Variants in ARID4B observed in about 807,000 individuals in gnomAD.
The protein encoded by ARID4B is AT-rich interaction domain 4B.
ARID4B carries 26 observed loss-of-function variants against 147.5 expected under a neutral mutation model. The observed-to-expected ratio is 0.18, with a 90% CI of 0.13 to 0.24. The LOEUF is 0.24. Ranked by LOEUF, ARID4B falls within the 10% of genes least tolerant of loss-of-function variation. The probability of loss-of-function intolerance (pLI) is 1.00; values close to 1 mark genes in which losing one functional copy is unlikely to be tolerated. For missense variants in ARID4B, 1,179 were observed against 1,511.5 expected, an observed-to-expected ratio of 0.78 and a Z score of 3.65; for synonymous variants, 512 against 507.9, an observed-to-expected ratio of 1.01 and a Z score of -0.11.
chr1:235,245,690 A>T (rs545052328), intron 7 of ARID4B, among the ~76,000 whole-genome samples: 6 of 152,182 alleles, frequency 3.9e-5, no homozygotes, highest in Non-Finnish European at 8.8e-5. Context: ...ACATACTGGT[A>T]TTTCATCATG....
At chr1:235,238,314 A>G (rs1399541932) in intron 8 of ARID4B, among the ~76,000 whole-genome samples, 1 of 152,212 alleles carries the variant, frequency 6.6e-6, no homozygotes, top group Admixed American at 6.5e-5. Context: ...GAGAACACAA[A>G]AATTTTATTG....
intron 2 of ARID4B, among the ~76,000 whole-genome samples, chr1:235,302,927 C>T: frequency 8.6e-6 from 1 of 116,020 alleles, no homozygotes; most frequent in South Asian, 3.4e-4. Flanking sequence ...TTATATTCTT[C>T]TTTTTTTCTT....
chr1:235,238,818 G>A (rs2185019), intron 8 of ARID4B, among the ~76,000 whole-genome samples: 44,357 of 150,780 alleles, frequency 0.29, 7,622 homozygotes, highest in South Asian at 0.53. Context: ...TCACACCACT[G>A]CACTCTAACC....
intron 17 of ARID4B, among the ~76,000 whole-genome samples, chr1:235,206,230 A>G (rs1324041298): frequency 1.3e-5 from 2 of 152,226 alleles, no homozygotes; most frequent in African/African-American, 2.4e-5. Flanking sequence ...AATTTTTTTC[A>G]TATTTTAAAA....
chr1:235,183,032 C>G (rs915181846), intron 19 of ARID4B, among the ~76,000 whole-genome samples: 1 of 152,028 alleles, frequency 6.6e-6, no homozygotes, highest in Non-Finnish European at 1.5e-5. Context: ...TTTGTCAAAA[C>G]CCATCACATT....
intron 23 of ARID4B, among the ~76,000 whole-genome samples, chr1:235,171,534 T>G (rs1040801823): frequency 3.9e-5 from 6 of 152,240 alleles, no homozygotes; most frequent in Admixed American, 3.9e-4. Context: ...GGAACCGACT[T>G]TTAATGCTAA....
chr1:235,263,268 T>C (rs1437195292), intron 2 of ARID4B, among the ~76,000 whole-genome samples: 1 of 152,238 alleles, frequency 6.6e-6, no homozygotes. Flanking sequence ...TATTTGTACC[T>C]ACTGAGGAAC....
intron 19 of ARID4B, among the ~76,000 whole-genome samples, chr1:235,186,795 A>C (rs889544218): frequency 1.2e-4 from 18 of 151,950 alleles, no homozygotes; most frequent in African/African-American, 4.1e-4. Context: ...GTGCAGGTTC[A>C]AGCAATTCTC....
chr1:235,276,658 T>C (rs1671335540), intron 2 of ARID4B, among the ~76,000 whole-genome samples: 1 of 140,466 alleles, frequency 7.1e-6, no homozygotes, highest in Non-Finnish European at 1.5e-5. Flanking sequence ...CAAGACCCTG[T>C]CTCTTTAAAA....
intron 2 of ARID4B, among the ~76,000 whole-genome samples, chr1:235,283,158 T>C (rs567170944): frequency 6.6e-6 from 1 of 152,286 alleles, no homozygotes; most frequent in African/African-American, 2.4e-5. Flanking sequence ...AACAATTATG[T>C]AGATAAATAA....
At chr1:235,325,314 C>T (rs72758081) in intron 2 of ARID4B, among the ~76,000 whole-genome samples, 19,921 of 151,312 alleles carry the variant, frequency 0.13, 1,526 homozygotes, top group African/African-American at 0.2. Context: ...TACCAAGAAA[C>T]TTTTAAGGCT....
At position 235,260,645 on chromosome 1, in the gene ARID4B, G is replaced by T; in HGVS notation, c.114C>A (p.Val38=). 1 of 1,595,380 alleles carries T rather than the reference G, an allele frequency of 6.3e-7. No homozygotes were observed. The highest frequency in any genetic ancestry group is 1.1e-5 in the South Asian group (1 of 88,680). ...KIKTAKRLVK[V]KVTFRHDSST... ...ATGAAATCTATAAATACTGTACCTT[G>T]ACTTTGACAAGTCTTTTTGCTGTCT... The change falls in exon 3 of 24, where the codon GTC becomes GTA. Residue 38 remains valine (V), a synonymous_variant. Transcript: ENST00000264183.
chr1:235,214,312 CA>C (rs1263748949), intron 16 of ARID4B, among the ~76,000 whole-genome samples: 1 of 152,126 alleles, frequency 6.6e-6, no homozygotes, highest in Non-Finnish European at 1.5e-5. Context: ...CAGCAAGAAG[CA>C]AGTATGGTCA....
chr1:235,280,831 G>A (rs1671620722), intron 2 of ARID4B, among the ~76,000 whole-genome samples: 1 of 152,190 alleles, frequency 6.6e-6, no homozygotes, highest in South Asian at 2.1e-4. Context: ...AGAAACCATG[G>A]TTTCGGAAGG....
Position 235,172,747 on chromosome 1 carries a change from T to C in ARID4B, c.3682A>G (p.Thr1228Ala). 1 of 1,560,930 alleles carries C rather than the reference T, an allele frequency of 6.4e-7. No individual in the cohort carries two copies. The highest frequency in any genetic ancestry group is 1.2e-5 in the South Asian group (1 of 80,976). The change falls in exon 23 of 24, where the codon ACA becomes GCA. Residue 1228 changes from threonine to alanine, a missense_variant. Around this residue, in one of 10 missense-constraint regions of ARID4B, gnomAD observed 357 missense variants for 427.3 expected, o/e 0.84. Transcript: ENST00000264183. ...SFQMSDLENM[T>A]SAERITILQE... ...AGAATTGTGATGCGTTCGGCACTTG[T>C]CATATTTTCCAGGTCCGCTATAAAT...
rs1284647368 is a variant in ARID4B at position 235,185,132 on chromosome 1, A to AAAT, written c.2126-2340_2126-2339insATT. On this transcript the variant is annotated intron_variant, in intron 19 of 23. Coordinates refer to ENST00000264183, the MANE Select transcript of ARID4B (RefSeq NM_016374.6). The stretch of plus-strand genomic sequence containing the variant: ...GTCCCTGGCCTGCTGACTTATTTAT[A>AAAT]AAGTTTATCCTCTATGAGCAATGGG... Among the ~76,000 whole-genome samples, 46 of 152,252 alleles carry AAAT rather than the reference A, an allele frequency of 3.0e-4. No homozygotes were observed. The East Asian group carries it at 8.1e-3, about 27-fold the overall frequency.
intron 2 of ARID4B, among the ~76,000 whole-genome samples, chr1:235,283,610 AATT>A (rs1161501334): frequency 6.6e-6 from 1 of 152,104 alleles, no homozygotes; most frequent in African/African-American, 2.4e-5. Context: ...TAAATTATAA[AATT>A]ATTAATATTA....
In ARID4B at chr1:235,326,904, G is replaced by C. The variant is rs760290914; in HGVS notation, c.6+10C>G. 7 of 1,613,844 alleles carry C rather than the reference G, an allele frequency of 4.3e-6. No individual in the cohort carries two copies. The highest frequency in any genetic ancestry group is 5.9e-6 in the Non-Finnish European group (7 of 1,179,886). On this transcript the variant is annotated intron_variant, in intron 2 of 23. Coordinates refer to ENST00000264183, the MANE Select transcript of ARID4B (RefSeq NM_016374.6). ...AACCCCAGAGATTCGTTTTCCGCAG[G>C]CAATCTTACCTTCATGATGACTCTG...
chr1:235,273,932 ACTCCAT>A (rs965638942), intron 2 of ARID4B, among the ~76,000 whole-genome samples: 5 of 152,176 alleles, frequency 3.3e-5, no homozygotes, highest in African/African-American at 1.2e-4. Context: ...CTTACTGTGA[ACTCCAT>A]CTCCGTTGTT....
Sources: gnomAD v4.1 joint callset for allele counts (sites outside exome capture counted in the v4.1 genomes callset) on GRCh38, gnomAD v4.1.1 for gene constraint, gnomAD v4.1.1 regional missense constraint, MANE v1.5 for transcripts, NCBI Gene and HGNC (gene_info 2026-07-23, HGNC 2026-07-21) for gene names.